Variants in CEP55 observed in about 807,000 individuals in gnomAD.
CEP55 encodes the protein centrosomal protein of 55 kDa.
In CEP55, 57 loss-of-function variants were observed where a neutral mutation model predicts 63.2. The ratio of observed to expected loss-of-function variants is 0.90; its 90% CI spans 0.73 to 1.13. CEP55 has a LOEUF of 1.13. CEP55 is among the 50% of genes most tolerant of loss of function. The pLI is 0.00. For missense variants in CEP55, 456 were observed against 518.9 expected (o/e 0.88, Z 1.18); for synonymous variants, 178 against 191.6 (o/e 0.93, Z 0.59).
chr10:93,514,704 A>G (rs79697103), intron 4 of CEP55, among the ~76,000 whole-genome samples: 12,790 of 152,266 alleles, frequency 0.084, 598 homozygotes, highest in Non-Finnish European at 0.1. Flanking sequence ...ACTTGAAGGA[A>G]TTAACAGATG....
Position 93,503,363 on chromosome 10 carries a change from A to C in CEP55, c.434A>C (p.Lys145Thr). 6.2e-7 allele frequency: 1 copy of C among 1,614,118 alleles called. No homozygotes were observed. The highest frequency in any genetic ancestry group is 8.5e-7 in the Non-Finnish European group (1 of 1,179,942). The stretch of plus-strand genomic sequence containing the variant: ...TCACGAATTGCTGAACTTGAAAGCA[A>C]AACCAATACACTCCGTTTATCACAG... Reference protein sequence around the residue: ...ATSRIAELESKTNTLRLSQTV... With the variant: ...ATSRIAELESTTNTLRLSQTV... The change falls in exon 3 of 9, where the codon AAA becomes ACA. Residue 145 changes from lysine (K) to threonine (T), a missense_variant. Physicochemically the swap from Lys to Thr is moderately conservative, Grantham distance 78 (BLOSUM62 -1). Transcript: ENST00000371485.
intron 7 of CEP55, among the ~76,000 whole-genome samples, chr10:93,519,444 C>T (rs892404893): frequency 6.6e-6 from 1 of 152,236 alleles, no homozygotes; most frequent in Middle Eastern, 3.2e-3. Flanking sequence ...TAATCAACAA[C>T]TTCTTAAGCT....
intron 3 of CEP55, among the ~76,000 whole-genome samples, chr10:93,503,797 C>T (rs188112848): frequency 5.9e-5 from 9 of 152,186 alleles, no homozygotes; most frequent in Non-Finnish European, 1.3e-4. Context: ...ATTTTCTCCC[C>T]GTTTTGTTTG....
chr10:93,507,522 T>A (rs1486152941), intron 4 of CEP55, among the ~76,000 whole-genome samples: 2 of 152,154 alleles, frequency 1.3e-5, no homozygotes, highest in East Asian at 3.9e-4. Context: ...ATGCCCGGCA[T>A]CATGGTCTCT....
intron 6 of CEP55, among the ~76,000 whole-genome samples, chr10:93,518,410 A>G (rs1018742662): frequency 6.6e-6 from 1 of 152,116 alleles, no homozygotes; most frequent in Admixed American, 6.5e-5. Flanking sequence ...TTGGCCTCCC[A>G]AAGTGCTGGG....
chr10:93,515,282 C>T, intron 4 of CEP55, 123 bp from the exon 5 acceptor site: 1 of 774,986 alleles, frequency 1.3e-6, no homozygotes, highest in East Asian at 2.6e-5. Context: ...AATGGTTGCC[C>T]AGAATTAGTC....
chr10:93,512,003 C>G, intron 4 of CEP55, among the ~76,000 whole-genome samples: 1 of 151,708 alleles, frequency 6.6e-6, no homozygotes, highest in East Asian at 2.0e-4. Context: ...ACAAGAAGGG[C>G]AGATCACCTG....
intron 7 of CEP55, 61 bp downstream of exon 7, chr10:93,519,009 A>G (rs1369050254): frequency 7.9e-7 from 1 of 1,258,132 alleles, no homozygotes; most frequent in Admixed American, 1.7e-5. Context: ...GTTTTTCCTC[A>G]TGTTTATGCT....
chr10:93,516,862 G>A, intron 5 of CEP55, 73 bp from the exon 6 acceptor site: 1 of 1,049,992 alleles, frequency 9.5e-7, no homozygotes, highest in Non-Finnish European at 1.4e-6. Context: ...TCATTTAGAT[G>A]TTTGATGTTT....
intron 8 of CEP55, chr10:93,520,141 A>G (rs1285227518): frequency 6.3e-6 from 2 of 315,478 alleles, no homozygotes; most frequent in African/African-American, 2.2e-5. Flanking sequence ...TAAAAAAGAA[A>G]GAAAGGCTGG....
rs372553151 is a variant in CEP55, at chr10:93,519,561, T to C, written c.1066-121T>C. 24 of 1,164,836 alleles carry C rather than the reference T, an allele frequency of 2.1e-5. No homozygotes were observed. The South Asian group carries it at 2.4e-4, about 12-fold the overall frequency. The allele number at this position is 1,164,836 out of a possible 1,614,324, so 72.2% of individuals were successfully genotyped here. On this transcript the variant is annotated intron_variant, in intron 7 of 8. Coordinates refer to ENST00000371485, the MANE Select transcript of CEP55 (RefSeq NM_018131.5). The stretch of plus-strand genomic sequence containing the variant: ...AACATTTCATGGTGCTTAGGTGAAT[T>C]CTTGCTACGATGGTACAATAAATAT...
At position 93,515,502 on chromosome 10, in the gene CEP55, C is replaced by T. The variant is rs199775989; in HGVS notation, c.626C>T (p.Thr209Met). ...LAKIFELEKKTETAAHSLPQQ... is the reference protein window; with the variant it reads ...LAKIFELEKKMETAAHSLPQQ... ...AAGATCTTTGAGTTGGAAAAGAAAA[C>T]GGAAACAGCTGCTCATTCACTCCCA... The change falls in exon 5 of 9, where the codon ACG (threonine) becomes ATG (methionine). Residue 209 changes from threonine (T) to methionine (M), a missense_variant. Transcript: ENST00000371485. 1.4e-4 allele frequency: 224 copies of T among 1,613,648 alleles called. No homozygotes were observed. Among genetic ancestry groups the T allele is most frequent in the East Asian group, 1.8e-4 (8 of 44,868 alleles).
intron 5 of CEP55, among the ~76,000 whole-genome samples, chr10:93,516,660 G>A (rs1030130940): frequency 6.6e-6 from 1 of 152,116 alleles, no homozygotes; most frequent in Admixed American, 6.5e-5. Flanking sequence ...ATGAGCTTGT[G>A]TTCCTATTTG....
intron 4 of CEP55, among the ~76,000 whole-genome samples, chr10:93,508,186 T>C (rs2057707909): frequency 6.6e-6 from 1 of 152,240 alleles, no homozygotes; most frequent in South Asian, 2.1e-4. Context: ...GTGGGTTTTA[T>C]TGGGAATGGA....
chr10:93,508,353 T>C (rs2057709612), intron 4 of CEP55, among the ~76,000 whole-genome samples: 1 of 152,234 alleles, frequency 6.6e-6, no homozygotes, highest in Admixed American at 6.5e-5. Flanking sequence ...AGCATGTTCT[T>C]AAGATTTCTG....
intron 8 of CEP55, among the ~76,000 whole-genome samples, chr10:93,526,327 GA>G (rs1344480534): frequency 1.3e-5 from 2 of 152,120 alleles, no homozygotes; most frequent in African/African-American, 2.4e-5. Flanking sequence ...AAAGACACAT[GA>G]AAAAAATGCT....
chr10:93,501,985 T>C (rs536715069), intron 2 of CEP55, among the ~76,000 whole-genome samples: 1 of 152,366 alleles, frequency 6.6e-6, no homozygotes, highest in South Asian at 2.1e-4. Flanking sequence ...CCATTTGTTC[T>C]AATTGTGCCT....
chr10:93,504,325 T>A (rs920922558), intron 3 of CEP55, among the ~76,000 whole-genome samples: 2 of 152,100 alleles, frequency 1.3e-5, no homozygotes, highest in African/African-American at 4.8e-5. Flanking sequence ...ATACAAAAAT[T>A]AGCCGAGTGT....
chr10:93,500,187 A>G lies in CEP55; in HGVS notation c.136A>G (p.Ser46Gly). 6.2e-7 allele frequency: 1 copy of G among 1,613,492 alleles called. No individual in the cohort carries two copies. The highest frequency in any genetic ancestry group is 8.5e-7 in the Non-Finnish European group (1 of 1,179,822). The change falls in exon 2 of 9, where the codon AGT becomes GGT. Residue 46 changes from serine (S) to glycine (G), a missense_variant. Coordinates refer to ENST00000371485, the MANE Select transcript of CEP55 (RefSeq NM_018131.5). ...AAAGACATCAGTGGATGAAATCACA[A>G]GTGGGAAAGGAAAGCTGACTGATAA... Reference protein sequence around the residue: ...HLKTSVDEITSGKGKLTDKER... With the variant: ...HLKTSVDEITGGKGKLTDKER...
Sources: gnomAD v4.1 joint callset for allele counts (sites outside exome capture counted in the v4.1 genomes callset) on GRCh38, gnomAD v4.1.1 for gene constraint, MANE v1.5 for transcripts, NCBI Gene and HGNC (gene_info 2026-07-23, HGNC 2026-07-21) for gene names.